The following EFCAB8 variants were observed in gnomAD, a reference collection of about 807,000 sequenced individuals.
EFCAB8 encodes the protein EF-hand calcium-binding domain-containing protein 8.
In EFCAB8, 100 loss-of-function variants were observed where a neutral mutation model predicts 116.3. That is an observed-to-expected ratio of 0.86 (90% confidence interval 0.73 to 1.02). The LOEUF is 1.02. Among genes scored for constraint, EFCAB8 ranks in the 50% least tolerant of loss-of-function variants. The pLI, the probability that EFCAB8 is intolerant of heterozygous loss-of-function variation, is 0.00. For synonymous variants in EFCAB8, 558 were observed against 567.9 expected (o/e 0.98, Z 0.25); for missense variants, 1,320 against 1,416.9 (o/e 0.93, Z 1.10).
At chr20:32,895,165 G>A (rs183790425) in intron 9 of EFCAB8, among the ~76,000 whole-genome samples, 5 of 152,296 alleles carry the variant, frequency 3.3e-5, no homozygotes, top group Admixed American at 2.0e-4. Flanking sequence ...GGCTCTACTC[G>A]TCTGTGTCAG....
At chr20:32,944,605 T>A (rs746872198) in intron 23 of EFCAB8, among the ~76,000 whole-genome samples, 9 of 152,248 alleles carry the variant, frequency 5.9e-5, no homozygotes, top group Non-Finnish European at 2.9e-5. Context: ...AGCATCCTTT[T>A]GTTTCAACTT....
chr20:32,891,217 C>T (rs2019230), intron 7 of EFCAB8, among the ~76,000 whole-genome samples: 75,579 of 151,898 alleles, frequency 0.5, 20,902 homozygotes, highest in Middle Eastern at 0.66. Flanking sequence ...TCAAGAGATT[C>T]TCCTGCCTCA....
Position 32,911,694 on chromosome 20 carries a change from C to T in EFCAB8, c.1772C>T (p.Pro591Leu), listed in dbSNP as rs953176182. 7.1e-6 allele frequency: 11 copies of T among 1,551,554 alleles called. No homozygotes were observed. Among genetic ancestry groups the T allele is most frequent in the African/African-American group, 2.7e-5 (2 of 73,038 alleles). ...IGKCLLTFPS[P>L]EQLEISGIIH... ...AAATGCCTGTTGACCTTTCCCAGTC[C>T]GGAACAGCTGGAGGTCAGTCTTGCT... Residue 591 changes from proline (P) to leucine (L), a missense_variant, in exon 16 of 27, where the codon CCG (proline) becomes CTG (leucine). Transcript: ENST00000400522.
At chr20:32,861,298 A>T (rs1236990806) in intron 1 of EFCAB8, among the ~76,000 whole-genome samples, 2 of 151,686 alleles carry the variant, frequency 1.3e-5, no homozygotes, top group African/African-American at 4.8e-5. Flanking sequence ...ATTTTATTTT[A>T]TTTTTTTGAG....
intron 11 of EFCAB8, among the ~76,000 whole-genome samples, chr20:32,904,567 G>A (rs6057669): frequency 0.66 from 98,727 of 148,964 alleles, 33,416 homozygotes; most frequent in Middle Eastern, 0.8. Flanking sequence ...CCAAAGTGCT[G>A]GGATTGCAGG....
intron 23 of EFCAB8, among the ~76,000 whole-genome samples, 156 bp from the exon 24 acceptor site, chr20:32,958,265 C>T (rs1482458929): frequency 2.6e-5 from 4 of 152,046 alleles, no homozygotes; most frequent in Admixed American, 6.5e-5. Flanking sequence ...TACTCAGTGT[C>T]GTGCCTGGTG....
chr20:32,939,076 A>C (rs1489786960), intron 22 of EFCAB8, among the ~76,000 whole-genome samples: 1 of 80,848 alleles, frequency 1.2e-5, no homozygotes, highest in Admixed American at 1.3e-4. Context: ...TCTCTCCCCA[A>C]CTTCTTTCTT....
At chr20:32,873,010 T>C (rs547081985) in intron 3 of EFCAB8, among the ~76,000 whole-genome samples, 1 of 151,858 alleles carries the variant, frequency 6.6e-6, no homozygotes, top group South Asian at 2.1e-4. Context: ...GGAGAATTGC[T>C]TGAACCCAGG....
chr20:32,907,112 G>T (rs1986716005), intron 13 of EFCAB8, 118 bp downstream of exon 13: 2 of 1,424,068 alleles, frequency 1.4e-6, no homozygotes, highest in African/African-American at 1.4e-5. Context: ...AGCAGGAGGG[G>T]CCCCGGGTGG....
intron 23 of EFCAB8, among the ~76,000 whole-genome samples, chr20:32,944,522 C>T (rs1988521988): frequency 6.6e-6 from 1 of 151,974 alleles, no homozygotes; most frequent in Non-Finnish European, 1.5e-5. Flanking sequence ...AGTATTACAG[C>T]ATTCTGTATT....
At position 32,961,644 on chromosome 20, in the gene EFCAB8, G is replaced by A; in HGVS notation, c.*35G>A. 3 of 1,207,952 alleles carry A rather than the reference G, an allele frequency of 2.5e-6. No homozygotes were observed. Among genetic ancestry groups the A allele is most frequent in the Non-Finnish European group, 3.2e-6 (3 of 948,734 alleles). 74.8% of individuals were successfully genotyped at this position (1,207,952 alleles called of 1,614,324 possible). Reference sequence around the variant, plus strand: ...CTGTCTTCTCTAGTCCTCCAGCAGGGCAACCAGGCCCATGGCGGTCCTGCA... The same window carrying A: ...CTGTCTTCTCTAGTCCTCCAGCAGGACAACCAGGCCCATGGCGGTCCTGCA... On this transcript the variant is annotated 3_prime_UTR_variant, in exon 27 of 27. Transcript: ENST00000400522.
intron 4 of EFCAB8, among the ~76,000 whole-genome samples, chr20:32,876,264 G>A (rs953831852): frequency 6.6e-6 from 1 of 152,192 alleles, no homozygotes; most frequent in African/African-American, 2.4e-5. Flanking sequence ...AAGTGTCGTT[G>A]GCCCCTGTGT....
In EFCAB8 at chr20:32,885,425, T is replaced by C. The variant is rs376802724; in HGVS notation, c.432-80T>C. 334 of 1,522,744 alleles carry C rather than the reference T, an allele frequency of 2.2e-4. 1 individual carries two copies. In the African/African-American group the frequency reaches 3.9e-3, roughly 18 times the overall value. 94.3% of individuals were successfully genotyped at this position (1,522,744 alleles called of 1,614,324 possible). A position where few individuals can be genotyped will look rare whatever the true frequency, so the allele number is the denominator to read the frequency against. ...GCCGGCTTTTGTCCCTCCTCCTCGGTGGCTCTCTGTTCTGCCGCAGGTGCC... is the reference window on the plus strand; with the variant it reads ...GCCGGCTTTTGTCCCTCCTCCTCGGCGGCTCTCTGTTCTGCCGCAGGTGCC... On this transcript the variant is annotated intron_variant, in intron 5 of 26. Transcript: ENST00000400522.
intron 14 of EFCAB8, among the ~76,000 whole-genome samples, chr20:32,909,038 G>A (rs1986805123): frequency 1.3e-5 from 2 of 152,166 alleles, no homozygotes; most frequent in Admixed American, 1.3e-4. Context: ...GGAGCTGCAA[G>A]GCTGAGCCAC....
At chr20:32,866,863 T>C (rs1304506451) in intron 2 of EFCAB8, among the ~76,000 whole-genome samples, 4 of 148,674 alleles carry the variant, frequency 2.7e-5, no homozygotes, top group South Asian at 2.2e-4. Context: ...CTCTCTCTCT[T>C]TCTTTCTTTC....
rs780995981 is a variant in EFCAB8, at chr20:32,917,310, G to A, written c.1866G>A (p.Lys622=). The A allele has an allele frequency of 1.3e-6, 2 of 1,551,494 alleles. No homozygotes were observed. The highest frequency in any genetic ancestry group is 2.4e-5 in the South Asian group (2 of 84,022). ...SKRITHFLFH[K]TKPVLLCYHW... is the part of the protein sequence containing the mutation. ...CTGGCCATATGCACAGGTTCCACAAGACCAAGCCAGTGCTCTTGTGCTACC... is the reference window on the plus strand; with the variant it reads ...CTGGCCATATGCACAGGTTCCACAAAACCAAGCCAGTGCTCTTGTGCTACC... The change falls in exon 18 of 27, where the codon AAG becomes AAA. Residue 622 remains lysine (K), a synonymous_variant. Coordinates refer to ENST00000400522, the MANE Select transcript of EFCAB8 (RefSeq NM_001143967.2).
At chr20:32,879,274 G>A (rs1430064972) in intron 5 of EFCAB8, among the ~76,000 whole-genome samples, 1 of 152,196 alleles carries the variant, frequency 6.6e-6, no homozygotes, top group African/African-American at 2.4e-5. Context: ...CAAGCCCCCA[G>A]CCAGGCCCTG....
intron 24 of EFCAB8, among the ~76,000 whole-genome samples, chr20:32,959,084 C>T (rs143275613): frequency 6.6e-6 from 1 of 152,194 alleles, no homozygotes; most frequent in Middle Eastern, 3.2e-3. Flanking sequence ...CTGGTTCATT[C>T]AAGAAAATGT....
At chr20:32,867,455 T>C (rs904941061) in intron 2 of EFCAB8, 127 bp from the exon 3 acceptor site, 3 of 1,024,172 alleles carry the variant, frequency 2.9e-6, no homozygotes, top group Non-Finnish European at 2.8e-6. Flanking sequence ...TGTATTTCTG[T>C]CAGTGACATC....
Sources: gnomAD v4.1 joint callset for allele counts (sites outside exome capture counted in the v4.1 genomes callset) on GRCh38, gnomAD v4.1.1 for gene constraint, MANE v1.5 for transcripts, NCBI Gene and HGNC (gene_info 2026-07-23, HGNC 2026-07-21) for gene names.